HEATR1: variants seen among roughly 807,000 people sequenced by gnomAD.
HEATR1 encodes HEAT repeat containing 1.
HEATR1 carries 77 observed loss-of-function variants against 248.2 expected under a neutral mutation model. That is an observed-to-expected ratio of 0.31 (90% confidence interval 0.26 to 0.37). The LOEUF is 0.37. Ranked by LOEUF, HEATR1 falls within the 10% of genes least tolerant of loss-of-function variation. The probability of loss-of-function intolerance (pLI) is 1.00; values close to 1 mark genes in which losing one functional copy is unlikely to be tolerated. For synonymous variants in HEATR1, 897 were observed against 923.1 expected (o/e 0.97, Z 0.51); for missense variants, 2,420 against 2,504.9 (o/e 0.97, Z 0.72).
chr1:236,589,810 A>G (rs1663986343), intron 12 of HEATR1, among the ~76,000 whole-genome samples: 1 of 152,244 alleles, frequency 6.6e-6, no homozygotes, highest in Admixed American at 6.5e-5. Context: ...TCCTATTTTA[A>G]TTATAGTAAC....
rs1346836367 is a variant in HEATR1 at position 236,603,996 on chromosome 1, T to C, written c.100A>G (p.Lys34Glu). ...DEVASLLFDP[K>E]EAATIDRDTA... ...TCCCTGTCGATTGTGGCCGCTTCCTTAGGGTCAAATAACAAAGAAGCAACT... is the reference window on the plus strand; with the variant it reads ...TCCCTGTCGATTGTGGCCGCTTCCTCAGGGTCAAATAACAAAGAAGCAACT... The change falls in exon 2 of 45, where the codon AAG (lysine) becomes GAG (glutamate). Residue 34 changes from lysine (K) to glutamate (E), a missense_variant. Coordinates refer to ENST00000366582, the MANE Select transcript of HEATR1 (RefSeq NM_018072.6). The C allele has an allele frequency of 3.1e-6, 5 of 1,599,088 alleles. No individual in the cohort carries two copies. In the South Asian group the frequency reaches 5.7e-5, roughly 18 times the overall value.
intron 29 of HEATR1, among the ~76,000 whole-genome samples, chr1:236,567,956 A>G (rs999095129): frequency 2.0e-5 from 3 of 152,252 alleles, no homozygotes; most frequent in Non-Finnish European, 4.4e-5. Flanking sequence ...ATCAAAATAT[A>G]GTTGTTGAAT....
intron 22 of HEATR1, 99 bp from the exon 23 acceptor site, chr1:236,575,002 A>G (rs1663529488): frequency 9.2e-6 from 11 of 1,190,940 alleles, no homozygotes; most frequent in African/African-American, 1.5e-5. Flanking sequence ...ATGGGAGTTT[A>G]GCCTGGAGGA....
chr1:236,603,883 A>G (rs1046933110), intron 2 of HEATR1, 71 bp downstream of exon 2: 142 of 821,182 alleles, frequency 1.7e-4, no homozygotes, highest in South Asian at 1.1e-3. Context: ...AAACAAGGGG[A>G]AAAAAAAAAA....
chr1:236,557,062 C>T (rs1662997429), intron 37 of HEATR1, 133 bp downstream of exon 37: 2 of 891,630 alleles, frequency 2.2e-6, no homozygotes, highest in African/African-American at 1.7e-5. Flanking sequence ...AAAGCAAGCA[C>T]ATCTCTTCAG....
rs1162974374 is a variant in HEATR1 at position 236,550,361 on chromosome 1, AACC to A, written c.*538_*540del. The A allele has an allele frequency of 6.6e-6, 1 of 152,280 alleles. No homozygotes were observed. Among genetic ancestry groups the A allele is most frequent in the African/African-American group, 2.4e-5 (1 of 41,458 alleles). 9.4% of individuals were successfully genotyped at this position (152,280 alleles called of 1,614,324 possible). ...TCCTGGGTTAAAAAAAGCATTCCAG[AACC>A]ACTTCTCTTTATGGGCACAACAAAG... On this transcript the variant is annotated 3_prime_UTR_variant, in exon 45 of 45. Coordinates refer to ENST00000366582, the MANE Select transcript of HEATR1 (RefSeq NM_018072.6).
At position 236,576,333 on chromosome 1, in the gene HEATR1, C is replaced by G. The variant is rs747519634; in HGVS notation, c.2970G>C (p.Leu990=). The G allele has an allele frequency of 1.2e-6, 2 of 1,610,306 alleles. No homozygotes were observed. The highest frequency in any genetic ancestry group is 1.7e-5 in the Admixed American group (1 of 59,304). The change falls in exon 22 of 45, where the codon CTG becomes CTC. Residue 990 remains leucine (L), a synonymous_variant. Coordinates refer to ENST00000366582, the MANE Select transcript of HEATR1 (RefSeq NM_018072.6). The part of the protein sequence containing the change: ...LFEELQREKK[L]KSHQKLSETL... ...TTTCAGACAACTTCTGATGAGATTT[C>G]AGTTTCTTTTCTCTCTGTAGTTCCT...
chr1:236,557,090 G>T, intron 37 of HEATR1, 105 bp downstream of exon 37: 1 of 1,205,694 alleles, frequency 8.3e-7, no homozygotes, highest in Non-Finnish European at 1.1e-6. Flanking sequence ...ACTCCTTTCT[G>T]TCAAACGGAA....
Position 236,558,862 on chromosome 1 carries a change from G to A in HEATR1, c.4911+133C>T. ...GAATTAACGTCACATTTTAAAACAT[G>A]TCATGGTATTATATTCAGAAAATAA... On this transcript the variant is annotated intron_variant, in intron 35 of 44. Coordinates refer to ENST00000366582, the MANE Select transcript of HEATR1 (RefSeq NM_018072.6). The A allele has an allele frequency of 3.7e-6, 3 of 805,906 alleles. No homozygotes were observed. The South Asian group carries it at 6.0e-5, about 16-fold the overall frequency. The allele number at this position is 805,906 out of a possible 1,614,324, so 49.9% of individuals were successfully genotyped here. A position where few individuals can be genotyped will look rare whatever the true frequency, so the allele number is the denominator to read the frequency against.
intron 34 of HEATR1, 139 bp downstream of exon 34, chr1:236,559,575 T>C (rs1663067811): frequency 1.0e-5 from 11 of 1,065,700 alleles, no homozygotes; most frequent in South Asian, 7.5e-5. Context: ...CATCAAGAGA[T>C]TGTTTTCTAA....
intron 4 of HEATR1, among the ~76,000 whole-genome samples, chr1:236,598,415 T>C (rs1247427242): frequency 5.3e-5 from 8 of 152,204 alleles, no homozygotes; most frequent in South Asian, 2.1e-4. Flanking sequence ...TGGTATGTAA[T>C]AGATGCTCCA....
chr1:236,563,083 C>G (rs933507364), intron 32 of HEATR1, among the ~76,000 whole-genome samples: 2 of 152,110 alleles, frequency 1.3e-5, no homozygotes, highest in African/African-American at 4.8e-5. Context: ...CTCTTCTTTC[C>G]TGATTCTTAC....
At chr1:236,552,186 C>A in intron 43 of HEATR1, 79 bp from the exon 44 acceptor site, 1 of 893,242 alleles carries the variant, frequency 1.1e-6, no homozygotes, top group South Asian at 1.5e-5. Flanking sequence ...TGACTTGAGA[C>A]AAGCTCTAAC....
intron 32 of HEATR1, 99 bp downstream of exon 32, chr1:236,564,399 T>C: frequency 2.8e-6 from 3 of 1,053,258 alleles, no homozygotes; most frequent in Non-Finnish European, 4.1e-6. Context: ...GTGCCTCCCA[T>C]TTTCATGAGC....
chr1:236,588,941 T>C (rs1238930141), intron 12 of HEATR1, among the ~76,000 whole-genome samples: 3 of 152,204 alleles, frequency 2.0e-5, no homozygotes, highest in Non-Finnish European at 2.9e-5. Flanking sequence ...CAAGACCCCA[T>C]CATTTAAACA....
rs148105576 is a variant in HEATR1, at chr1:236,574,850, C to G, written c.3138G>C (p.Gln1046His). ...PMAEQLLEKI[Q>H]KEPTAVLKDE... ...CTTTCAGCACAGCTGTGGGCTCCTTCTGGATCTTTTCTAGCAGTTGTTCAG... is the reference window on the plus strand; with the variant it reads ...CTTTCAGCACAGCTGTGGGCTCCTTGTGGATCTTTTCTAGCAGTTGTTCAG... Residue 1046 changes from glutamine to histidine, a missense_variant, in exon 23 of 45, where the codon CAG becomes CAC. By Grantham distance (24) the Gln-to-His change is conservative. Coordinates refer to ENST00000366582, the MANE Select transcript of HEATR1 (RefSeq NM_018072.6). The G allele has an allele frequency of 8.8e-5, 142 of 1,613,812 alleles. No homozygotes were observed. In the African/African-American group the frequency reaches 1.7e-3, roughly 19 times the overall value.
At chr1:236,602,192 T>C (rs1256376822) in intron 3 of HEATR1, among the ~76,000 whole-genome samples, 1 of 152,020 alleles carries the variant, frequency 6.6e-6, no homozygotes, top group African/African-American at 2.4e-5. Context: ...GTGTATGCTG[T>C]GATGTGACAC....
intron 14 of HEATR1, 41 bp downstream of exon 14, chr1:236,587,361 T>G (rs551840647): frequency 1.0e-6 from 1 of 962,824 alleles, no homozygotes; most frequent in East Asian, 2.8e-5. Flanking sequence ...ATATAAGAAC[T>G]TCATCAATTC....
intron 20 of HEATR1, among the ~76,000 whole-genome samples, chr1:236,578,834 T>C (rs1272513038): frequency 3.3e-5 from 5 of 152,104 alleles, no homozygotes; most frequent in Admixed American, 6.6e-5. Context: ...TTCAACAACA[T>C]TGAAAAAATC....
Sources: gnomAD v4.1 joint callset for allele counts (sites outside exome capture counted in the v4.1 genomes callset) on GRCh38, gnomAD v4.1.1 for gene constraint, MANE v1.5 for transcripts, NCBI Gene and HGNC (gene_info 2026-07-23, HGNC 2026-07-21) for gene names.